Variants in LRMDA observed in about 807,000 individuals in gnomAD.
The protein encoded by LRMDA is leucine-rich melanocyte differentiation-associated protein.
LRMDA carries 18 observed loss-of-function variants against 29.8 expected under a neutral mutation model. The observed-to-expected ratio is 0.60, with a 90% CI of 0.42 to 0.90. The LOEUF is 0.90. Among genes scored for constraint, LRMDA ranks in the 40% least tolerant of loss-of-function variants. The pLI, the probability that LRMDA is intolerant of heterozygous loss-of-function variation, is 0.00. For missense variants in LRMDA, 273 were observed against 273.9 expected (o/e 1.00, Z 0.02); for synonymous variants, 125 against 109.4 (o/e 1.14, Z -0.89).
chr10:75,798,891 TA>T (rs1310537918), intron 2 of LRMDA, among the ~76,000 whole-genome samples: 1 of 152,178 alleles, frequency 6.6e-6, no homozygotes, highest in African/African-American at 2.4e-5. Flanking sequence ...GGTTGTCAAT[TA>T]AAAAAACTTA....
chr10:75,957,808 A>G (rs1846690072), intron 2 of LRMDA, among the ~76,000 whole-genome samples: 1 of 152,132 alleles, frequency 6.6e-6, no homozygotes, highest in Non-Finnish European at 1.5e-5. Context: ...GGCTTTTATA[A>G]GAAGCTAATG....
At chr10:75,905,019 A>G (rs1045795497) in intron 2 of LRMDA, among the ~76,000 whole-genome samples, 3 of 152,016 alleles carry the variant, frequency 2.0e-5, no homozygotes, top group African/African-American at 7.3e-5. Flanking sequence ...AAAAGTGCAC[A>G]CTCTATCTGC....
In LRMDA at chr10:75,796,731, C is replaced by T. The variant is rs144505357; in HGVS notation, c.132-239277C>T. ...GAGATTACAAGTGCCTGCCACCACG[C>T]CTGGCTAATTATAGTATTTTTAGTA... is the stretch of plus-strand genomic sequence containing the variant. On this transcript the variant is annotated intron_variant, in intron 2 of 6. Transcript: ENST00000611255. Among the ~76,000 whole-genome samples, 88 of 152,298 alleles carry T rather than the reference C, an allele frequency of 5.8e-4. 1 individual carries two copies. In the East Asian group the frequency reaches 0.017, roughly 29 times the overall value.
chr10:75,702,795 T>C (rs1209418287), intron 2 of LRMDA, among the ~76,000 whole-genome samples: 1 of 152,254 alleles, frequency 6.6e-6, no homozygotes, highest in Non-Finnish European at 1.5e-5. Flanking sequence ...TGATTCCTTA[T>C]GAGTTGTGGT....
chr10:76,386,749 A>G (rs1295749708), intron 6 of LRMDA, among the ~76,000 whole-genome samples: 2 of 152,170 alleles, frequency 1.3e-5, no homozygotes, highest in South Asian at 2.1e-4. Flanking sequence ...GTATTTTTAT[A>G]TATCTGTAGC....
intron 5 of LRMDA, among the ~76,000 whole-genome samples, chr10:76,313,065 T>C (rs1840648904): frequency 6.6e-6 from 1 of 152,124 alleles, no homozygotes; most frequent in African/African-American, 2.4e-5. Flanking sequence ...CATAACATTG[T>C]AATTGCCAAG....
intron 6 of LRMDA, among the ~76,000 whole-genome samples, chr10:76,405,760 G>A (rs1483117668): frequency 6.6e-6 from 1 of 152,080 alleles, no homozygotes; most frequent in Admixed American, 6.5e-5. Context: ...TTTTAATTCT[G>A]GAGGATTAAA....
chr10:76,195,377 A>G (rs1403056067), intron 5 of LRMDA, among the ~76,000 whole-genome samples: 2 of 152,224 alleles, frequency 1.3e-5, no homozygotes, highest in Non-Finnish European at 2.9e-5. Context: ...GTGACTAGGC[A>G]TAATGTGCCT....
intron 2 of LRMDA, among the ~76,000 whole-genome samples, chr10:75,561,701 A>AC (rs1840297787): frequency 1.4e-5 from 2 of 144,588 alleles, no homozygotes; most frequent in Non-Finnish European, 3.1e-5. Context: ...CACTGCTTTG[A>AC]ATGTGTCCCA....
At chr10:75,912,624 A>G (rs1317731914) in intron 2 of LRMDA, among the ~76,000 whole-genome samples, 1 of 152,048 alleles carries the variant, frequency 6.6e-6, no homozygotes, top group Non-Finnish European at 1.5e-5. Flanking sequence ...GGAGGTGAGG[A>G]TGAGGGAATG....
At chr10:75,744,770 G>A (rs1029042470) in intron 2 of LRMDA, among the ~76,000 whole-genome samples, 6 of 152,164 alleles carry the variant, frequency 3.9e-5, no homozygotes, top group Non-Finnish European at 7.4e-5. Flanking sequence ...GCACTTTGAT[G>A]TGTCACTGTC....
At chr10:76,251,130 G>A (rs1852471563) in intron 5 of LRMDA, among the ~76,000 whole-genome samples, 1 of 150,354 alleles carries the variant, frequency 6.7e-6, no homozygotes, top group African/African-American at 2.4e-5. Context: ...AGAAAATAAC[G>A]CATTGCTTTC....
chr10:75,930,346 G>T (rs913400134), intron 2 of LRMDA, among the ~76,000 whole-genome samples: 1 of 152,130 alleles, frequency 6.6e-6, no homozygotes, highest in Non-Finnish European at 1.5e-5. Context: ...GAATTTCTCG[G>T]TGTCTTAGTT....
chr10:75,797,736 A>G (rs555679083), intron 2 of LRMDA, among the ~76,000 whole-genome samples: 1 of 152,208 alleles, frequency 6.6e-6, no homozygotes, highest in African/African-American at 2.4e-5. Flanking sequence ...GTTCGCTTTT[A>G]TTGCTCCATA....
At chr10:76,085,515 G>A (rs1849119456) in intron 5 of LRMDA, among the ~76,000 whole-genome samples, 1 of 152,186 alleles carries the variant, frequency 6.6e-6, no homozygotes, top group South Asian at 2.1e-4. Flanking sequence ...CACTCCTGAA[G>A]AATGGCCTGG....
At chr10:75,895,641 G>A (rs1033180062) in intron 2 of LRMDA, among the ~76,000 whole-genome samples, 2 of 152,190 alleles carry the variant, frequency 1.3e-5, no homozygotes, top group Non-Finnish European at 2.9e-5. Flanking sequence ...GTAAATGTCA[G>A]GTATTACATG....
intron 2 of LRMDA, among the ~76,000 whole-genome samples, chr10:75,574,362 G>A (rs1412719537): frequency 6.6e-6 from 1 of 152,094 alleles, no homozygotes; most frequent in African/African-American, 2.4e-5. Context: ...TGTGATATAG[G>A]TTATACAGTG....
chr10:75,431,676 C>G lies in LRMDA; in HGVS notation c.-49C>G. On this transcript the variant is annotated 5_prime_UTR_variant, in exon 1 of 7. Coordinates refer to ENST00000611255, the MANE Select transcript of LRMDA (RefSeq NM_001305581.2). ...CCCCTGCCGCGCTCCCCGCTGCTGC[C>G]GCCGCGCCCCCGCGCTCCGTCCCGC... 2 of 1,259,912 alleles carry G rather than the reference C, an allele frequency of 1.6e-6. No individual in the cohort carries two copies. The highest frequency in any genetic ancestry group is 9.9e-7 in the Non-Finnish European group (1 of 1,008,754). 78.0% of individuals were successfully genotyped at this position (1,259,912 alleles called of 1,614,324 possible).
intron 2 of LRMDA, among the ~76,000 whole-genome samples, chr10:75,717,021 A>G (rs757212161): frequency 6.6e-5 from 10 of 152,122 alleles, no homozygotes; most frequent in Admixed American, 3.3e-4. Context: ...TCTCCCCATA[A>G]TATCTCACCA....
Sources: gnomAD v4.1 joint callset for allele counts (sites outside exome capture counted in the v4.1 genomes callset) on GRCh38, gnomAD v4.1.1 for gene constraint, MANE v1.5 for transcripts, NCBI Gene and HGNC (gene_info 2026-07-23, HGNC 2026-07-21) for gene names.